ACTR2: variants seen among roughly 807,000 people sequenced by gnomAD.
The protein encoded by ACTR2 is actin-related protein 2.
Under a neutral mutation model 50.2 loss-of-function variants are expected in ACTR2, and 5 were observed. The ratio of observed to expected loss-of-function variants is 0.10; its 90% CI spans 0.05 to 0.21. The LOEUF (loss-of-function observed/expected upper bound fraction) is 0.21. Ranked by LOEUF, ACTR2 falls within the 10% of genes least tolerant of loss-of-function variation. ACTR2 has a pLI of 1.00. For missense variants in ACTR2, 180 were observed against 480.6 expected, an observed-to-expected ratio of 0.37 and a Z score of 5.85; for synonymous variants, 140 against 162.9, an observed-to-expected ratio of 0.86 and a Z score of 1.07.
chr2:65,250,891 A>C (rs1461094319), intron 3 of ACTR2, 136 bp from the exon 4 acceptor site: 1 of 507,580 alleles, frequency 2.0e-6, no homozygotes, highest in Non-Finnish European at 3.5e-6. Flanking sequence ...AGAGGAGCTG[A>C]TGAAAATGGA....
intron 8 of ACTR2, 120 bp downstream of exon 8, chr2:65,265,295 C>G: frequency 2.8e-6 from 3 of 1,058,134 alleles, no homozygotes; most frequent in Middle Eastern, 2.0e-4. Flanking sequence ...CTACTGCAGT[C>G]AAGTGCATCC....
intron 1 of ACTR2, among the ~76,000 whole-genome samples, chr2:65,231,127 C>T (rs1671629802): frequency 6.6e-6 from 1 of 151,562 alleles, no homozygotes; most frequent in Non-Finnish European, 1.5e-5. Context: ...GATTCTTTTC[C>T]TTAAGACAAG....
intron 2 of ACTR2, among the ~76,000 whole-genome samples, chr2:65,245,801 C>T (rs1671926397): frequency 6.6e-6 from 1 of 152,124 alleles, no homozygotes. Flanking sequence ...GAGTATTATG[C>T]TTCATGTGTG....
At chr2:65,236,467 G>A (rs1671741531) in intron 1 of ACTR2, among the ~76,000 whole-genome samples, 1 of 152,036 alleles carries the variant, frequency 6.6e-6, no homozygotes, top group African/African-American at 2.4e-5. Context: ...AAATTTTTAT[G>A]TTTTGGAGAG....
intron 2 of ACTR2, among the ~76,000 whole-genome samples, chr2:65,243,194 G>A (rs993099187): frequency 2.6e-5 from 4 of 152,062 alleles, no homozygotes; most frequent in Non-Finnish European, 5.9e-5. Flanking sequence ...CAGGAGAATC[G>A]CTTGAACCCG....
chr2:65,228,054 C>A, intron 1 of ACTR2, 97 bp downstream of exon 1: 1 of 1,226,506 alleles, frequency 8.2e-7, no homozygotes, highest in Non-Finnish European at 1.1e-6. Flanking sequence ...CACCTCCGGG[C>A]CCTCGGGGCG....
At chr2:65,261,039 A>G (rs1672259693) in intron 6 of ACTR2, among the ~76,000 whole-genome samples, 1 of 152,110 alleles carries the variant, frequency 6.6e-6, no homozygotes, top group Admixed American at 6.6e-5. Context: ...CTGGCATAAC[A>G]TTTTTAAAAG....
At chr2:65,252,387 T>C (rs1217777317) in intron 4 of ACTR2, among the ~76,000 whole-genome samples, 2 of 151,958 alleles carry the variant, frequency 1.3e-5, no homozygotes, top group Non-Finnish European at 2.9e-5. Context: ...ACGCCTGTAA[T>C]CCCAGCACTT....
At chr2:65,266,410 TG>T (rs1672373205) in intron 8 of ACTR2, among the ~76,000 whole-genome samples, 1 of 151,520 alleles carries the variant, frequency 6.6e-6, no homozygotes, top group Non-Finnish European at 1.5e-5. Context: ...CCCAGGTTGG[TG>T]GGAGTGTGCC....
intron 4 of ACTR2, among the ~76,000 whole-genome samples, chr2:65,251,725 G>A (rs188664737): frequency 1.3e-5 from 2 of 152,090 alleles, no homozygotes; most frequent in East Asian, 1.9e-4. Flanking sequence ...AAAAAAATAC[G>A]CAGAGATTCA....
chr2:65,240,353 T>C (rs936550808), intron 2 of ACTR2, among the ~76,000 whole-genome samples: 2 of 152,242 alleles, frequency 1.3e-5, no homozygotes, highest in African/African-American at 4.8e-5. Flanking sequence ...CACCTTAGAC[T>C]TTTTCTTTTC....
At chr2:65,249,076 AAGAG>A (rs1275786465) in intron 3 of ACTR2, among the ~76,000 whole-genome samples, 2 of 152,166 alleles carry the variant, frequency 1.3e-5, no homozygotes, top group Non-Finnish European at 1.5e-5. Flanking sequence ...TTACAGAGGA[AAGAG>A]AGAGCAAGAG....
intron 8 of ACTR2, among the ~76,000 whole-genome samples, chr2:65,266,664 G>A (rs1672377520): frequency 6.6e-6 from 1 of 152,052 alleles, no homozygotes; most frequent in African/African-American, 2.4e-5. Flanking sequence ...AACAAAGGTG[G>A]GCATAGAGAG....
chr2:65,264,467 T>C (rs1181190761), intron 7 of ACTR2, among the ~76,000 whole-genome samples: 2 of 152,188 alleles, frequency 1.3e-5, no homozygotes, highest in African/African-American at 2.4e-5. Flanking sequence ...ATATGCAGTC[T>C]TTTTAGATTG....
intron 1 of ACTR2, among the ~76,000 whole-genome samples, 160 bp from the exon 2 acceptor site, chr2:65,239,692 A>G (rs2103989555): frequency 6.6e-6 from 1 of 152,400 alleles, no homozygotes; most frequent in Non-Finnish European, 1.5e-5. Flanking sequence ...AGAAGTTAAA[A>G]GGAGATGTTG....
In ACTR2 at chr2:65,254,979, T is replaced by C. The variant is rs59590602; in HGVS notation, c.586-566T>C. On this transcript the variant is annotated intron_variant, in intron 5 of 8. Transcript: ENST00000260641. ...GTAAAGTCTAGTAATTTTTTTTCTC[T>C]CAGTGGGTTTTTAAAAAAATAGTAG... is the stretch of plus-strand genomic sequence containing the variant. 9.0e-3 allele frequency among the ~76,000 whole-genome samples: 1,373 copies of C among 152,280 alleles called. 31 individuals carry two copies. The highest frequency in any genetic ancestry group is 0.031 in the African/African-American group (1,272 of 41,556).
In ACTR2 at chr2:65,239,976, T is replaced by C; in HGVS notation, c.159+14T>C. ...ATTGAAATCAAGGTAATATTTTATT[T>C]ATTGATAAATGATAATCAAGACATG... On this transcript the variant is annotated intron_variant, in intron 2 of 8. Coordinates refer to ENST00000260641, the MANE Select transcript of ACTR2 (RefSeq NM_005722.4). 1 of 1,480,576 alleles carries C rather than the reference T, an allele frequency of 6.8e-7. No individual in the cohort carries two copies. The highest frequency in any genetic ancestry group is 9.4e-7 in the Non-Finnish European group (1 of 1,059,858). The allele number at this position is 1,480,576 out of a possible 1,614,324, so 91.7% of individuals were successfully genotyped here. A position where few individuals can be genotyped will look rare whatever the true frequency, so the allele number is the denominator to read the frequency against.
rs1672472473 is a variant in ACTR2 at position 65,270,499 on chromosome 2, A to T, written c.*1765A>T. ...TAGAGTCACTTTGGAATAAGTTCTT[A>T]TATAAATACCCCCAGCCTTTTGAGA... is the stretch of plus-strand genomic sequence containing the variant. On this transcript the variant is annotated 3_prime_UTR_variant, in exon 9 of 9. Coordinates refer to ENST00000260641, the MANE Select transcript of ACTR2 (RefSeq NM_005722.4). 1 of 152,624 alleles carries T rather than the reference A, an allele frequency of 6.6e-6. No homozygotes were observed. The highest frequency in any genetic ancestry group is 2.4e-5 in the African/African-American group (1 of 41,442). The allele number at this position is 152,624 out of a possible 1,614,324, so 9.5% of individuals were successfully genotyped here. A position where few individuals can be genotyped will look rare whatever the true frequency, so the allele number is the denominator to read the frequency against.
At chr2:65,236,698 A>G (rs1671747883) in intron 1 of ACTR2, among the ~76,000 whole-genome samples, 1 of 152,108 alleles carries the variant, frequency 6.6e-6, no homozygotes, top group South Asian at 2.1e-4. Flanking sequence ...CTCATACCTC[A>G]GCCTCCCAAG....
Sources: gnomAD v4.1 joint callset for allele counts (sites outside exome capture counted in the v4.1 genomes callset) on GRCh38, gnomAD v4.1.1 for gene constraint, MANE v1.5 for transcripts, NCBI Gene and HGNC (gene_info 2026-07-23, HGNC 2026-07-21) for gene names.